PIK3R5: variants seen among roughly 807,000 people sequenced by gnomAD.
PIK3R5 encodes phosphoinositide-3-kinase regulatory subunit 5.
In PIK3R5, 32 loss-of-function variants were observed where a neutral mutation model predicts 94.9. The observed-to-expected ratio is 0.34, with a 90% CI of 0.25 to 0.45. The LOEUF (loss-of-function observed/expected upper bound fraction) is 0.45, where lower values mean the gene tolerates loss of function less well. PIK3R5 is among the 20% of genes least tolerant of loss of function. PIK3R5 has a pLI of 1.00. For synonymous variants in PIK3R5, 443 were observed against 479.4 expected (o/e 0.92, Z 0.99); for missense variants, 853 against 1,144.6 (o/e 0.75, Z 3.68).
At chr17:8,913,901 C>T (rs992999824) in intron 1 of PIK3R5, among the ~76,000 whole-genome samples, 1 of 152,154 alleles carries the variant, frequency 6.6e-6, no homozygotes. Flanking sequence ...TGAGCCAGAC[C>T]GGGCAGACCC....
At position 8,945,590 on chromosome 17, in the gene PIK3R5, C is replaced by G. The variant is rs963520863; in HGVS notation, c.-14+20006G>C. Among the ~76,000 whole-genome samples the G allele has an allele frequency of 3.3e-5, 5 of 152,076 alleles. No individual in the cohort carries two copies. The highest frequency in any genetic ancestry group is 2.1e-4 in the South Asian group (1 of 4,830). On this transcript the variant is annotated intron_variant, in intron 1 of 18. Coordinates refer to ENST00000447110, the MANE Select transcript of PIK3R5 (RefSeq NM_001142633.3). The surrounding 1 kb of genome is among the most constrained non-coding windows in gnomAD (Gnocchi z 4.0). ...GGCAAAGCAGACATCTCAAATCCAC[C>G]GTAGTCCAGAAACAACACAAAATGA... is the stretch of plus-strand genomic sequence containing the variant.
intron 1 of PIK3R5, among the ~76,000 whole-genome samples, chr17:8,939,564 T>C (rs575021173): frequency 2.0e-4 from 30 of 152,316 alleles, no homozygotes; most frequent in African/African-American, 6.7e-4. Flanking sequence ...ATGAATGACA[T>C]TTGAGGTATC....
chr17:8,885,794 C>T (rs1337274017), intron 14 of PIK3R5, among the ~76,000 whole-genome samples: 5 of 111,466 alleles, frequency 4.5e-5, no homozygotes, highest in African/African-American at 1.6e-4. Context: ...TCCTGGGTAA[C>T]CCCGCCCTCC....
In PIK3R5 at chr17:8,893,505, G is replaced by T. The variant is rs989556718; in HGVS notation, c.482+81C>A. On this transcript the variant is annotated intron_variant, in intron 6 of 18. Coordinates refer to ENST00000447110, the MANE Select transcript of PIK3R5 (RefSeq NM_001142633.3). This position sits in a 1 kb window ranked among gnomAD's most constrained non-coding sequence, Gnocchi z 5.1. ...GGGTGGGGGCACTGGATGTTTGAGT[G>T]GGGGAGGAGGGTGAAGGTGGAACAG... The T allele has an allele frequency of 1.1e-5, 12 of 1,111,748 alleles. No homozygotes were observed. Among genetic ancestry groups the T allele is most frequent in the Non-Finnish European group, 1.6e-5 (12 of 731,074 alleles). The allele number at this position is 1,111,748 out of a possible 1,614,324, so 68.9% of individuals were successfully genotyped here.
chr17:8,926,211 T>A (rs1293551206), intron 1 of PIK3R5, among the ~76,000 whole-genome samples: 1 of 151,774 alleles, frequency 6.6e-6, no homozygotes, highest in Non-Finnish European at 1.5e-5. Flanking sequence ...ACATGGAGGG[T>A]TTGAGTGACC....
Position 8,904,682 on chromosome 17 carries a change from A to G in PIK3R5, c.412+95T>C. ...TTGGCAGAGATGAATCAAAGGATGC[A>G]AGGTAAGGAGGGTCACAAAAAACAG... On this transcript the variant is annotated intron_variant, in intron 5 of 18. Coordinates refer to ENST00000447110, the MANE Select transcript of PIK3R5 (RefSeq NM_001142633.3). The surrounding 1 kb of genome is among the most constrained non-coding windows in gnomAD (Gnocchi z 5.1). 1 of 1,249,946 alleles carries G rather than the reference A, an allele frequency of 8.0e-7. No individual in the cohort carries two copies. Among genetic ancestry groups the G allele is most frequent in the East Asian group, 2.3e-5 (1 of 42,766 alleles). 77.4% of individuals were successfully genotyped at this position (1,249,946 alleles called of 1,614,324 possible).
chr17:8,903,551 T>C (rs1234723682), intron 5 of PIK3R5, among the ~76,000 whole-genome samples: 1 of 151,140 alleles, frequency 6.6e-6, no homozygotes, highest in Non-Finnish European at 1.5e-5. Flanking sequence ...ATTTTAAAAA[T>C]ATCTTGGTAT....
chr17:8,894,861 G>A (rs2151381597), intron 5 of PIK3R5, among the ~76,000 whole-genome samples: 1 of 150,558 alleles, frequency 6.6e-6, no homozygotes, highest in Admixed American at 6.6e-5. Flanking sequence ...CCCCTCAGAA[G>A]TGCAAGTCTC....
intron 1 of PIK3R5, among the ~76,000 whole-genome samples, chr17:8,941,983 G>T (rs989718596): frequency 6.6e-6 from 1 of 152,186 alleles, no homozygotes; most frequent in Non-Finnish European, 1.5e-5. Context: ...AGAATTTCCC[G>T]TTAGATGGGC....
intron 1 of PIK3R5, among the ~76,000 whole-genome samples, chr17:8,946,699 T>C (rs1259445665): frequency 6.6e-6 from 1 of 152,128 alleles, no homozygotes; most frequent in Non-Finnish European, 1.5e-5. Context: ...CCCGCCATGT[T>C]CTGAGGACTC....
chr17:8,888,049 A>C lies in PIK3R5; in HGVS notation c.1616+122T>G. On this transcript the variant is annotated intron_variant, in intron 10 of 18. Coordinates refer to ENST00000447110, the MANE Select transcript of PIK3R5 (RefSeq NM_001142633.3). This position sits in a 1 kb window ranked among gnomAD's most constrained non-coding sequence, Gnocchi z 7.8. The stretch of plus-strand genomic sequence containing the variant: ...AATAATAATAATAATAATAATAATA[A>C]AATAAAAATAAATAAGGGAACTTTT... The C allele has an allele frequency of 3.0e-6, 1 of 331,074 alleles. No homozygotes were observed. The highest frequency in any genetic ancestry group is 1.3e-4 in the South Asian group (1 of 7,938). The allele number at this position is 331,074 out of a possible 1,614,324, so 20.5% of individuals were successfully genotyped here.
At position 8,888,363 on chromosome 17, in the gene PIK3R5, C is replaced by T. The variant is rs747280160; in HGVS notation, c.1424G>A (p.Arg475His). The change falls in exon 10 of 19, where the codon CGC becomes CAC. Residue 475 changes from arginine to histidine, a missense_variant. Arg to His is a conservative substitution (Grantham distance 29). Transcript: ENST00000447110. The surrounding 1 kb of genome is among the most constrained non-coding windows in gnomAD (Gnocchi z 7.8). ...TTTGGGCTGGGGCAGGGAGCGGGAGCGCTGGGCCCGGGAAGGGGGTGATAC... is the reference window on the plus strand; with the variant it reads ...TTTGGGCTGGGGCAGGGAGCGGGAGTGCTGGGCCCGGGAAGGGGGTGATAC... ...EPVSPPSRAQ[R>H]SRSLPQPKLG... is the part of the protein sequence containing the mutation. The T allele has an allele frequency of 3.1e-6, 5 of 1,609,610 alleles. No homozygotes were observed. Among genetic ancestry groups the T allele is most frequent in the Admixed American group, 3.3e-5 (2 of 59,798 alleles).
At chr17:8,942,567 C>G (rs1204519304) in intron 1 of PIK3R5, among the ~76,000 whole-genome samples, 2 of 152,192 alleles carry the variant, frequency 1.3e-5, no homozygotes, top group Non-Finnish European at 2.9e-5. Context: ...CAGAGGGAAG[C>G]TATGCAGCCT....
Position 8,889,315 on chromosome 17 carries a change from A to G in PIK3R5, c.812-93T>C. 1.1e-6 allele frequency: 1 copy of G among 879,926 alleles called. No homozygotes were observed. The allele number at this position is 879,926 out of a possible 1,614,324, so 54.5% of individuals were successfully genotyped here. On this transcript the variant is annotated intron_variant, in intron 8 of 18. Transcript: ENST00000447110. This position sits in a 1 kb window ranked among gnomAD's most constrained non-coding sequence, Gnocchi z 4.1. ...CCTTGCCTTGGAGAAGAGACCAGAG[A>G]TGGGACAGGATCGGCACAAGGATAT...
intron 1 of PIK3R5, among the ~76,000 whole-genome samples, chr17:8,936,933 T>A (rs1051204878): frequency 1.3e-5 from 2 of 152,328 alleles, no homozygotes; most frequent in South Asian, 2.1e-4. Flanking sequence ...TAGATTTTTT[T>A]ATCCATTTTA....
At chr17:8,891,867 G>C (rs1395131295) in intron 6 of PIK3R5, among the ~76,000 whole-genome samples, 1 of 152,058 alleles carries the variant, frequency 6.6e-6, no homozygotes, top group East Asian at 1.9e-4. Flanking sequence ...GCCTCCCAAA[G>C]TGCTGGGATC....
At chr17:8,923,124 T>G (rs1049928631) in intron 1 of PIK3R5, among the ~76,000 whole-genome samples, 4 of 152,118 alleles carry the variant, frequency 2.6e-5, no homozygotes, top group African/African-American at 9.7e-5. Flanking sequence ...TTGAAGCACA[T>G]GATCTCATTT....
Position 8,881,773 on chromosome 17 carries a change from G to A in PIK3R5, c.2299+15C>T, listed in dbSNP as rs756975129. 6.2e-7 allele frequency: 1 copy of A among 1,613,290 alleles called. No individual in the cohort carries two copies. Among genetic ancestry groups the A allele is most frequent in the Non-Finnish European group, 8.5e-7 (1 of 1,179,340 alleles). ...ACCTCCCTACTGCACACCCCACACT[G>A]ACCACCCCACTCACCCAGCTCCTCC... On this transcript the variant is annotated intron_variant, in intron 16 of 18. Coordinates refer to ENST00000447110, the MANE Select transcript of PIK3R5 (RefSeq NM_001142633.3). This position sits in a 1 kb window ranked among gnomAD's most constrained non-coding sequence, Gnocchi z 4.8.
intron 11 of PIK3R5, 100 bp from the exon 12 acceptor site, chr17:8,887,321 C>T: frequency 6.7e-7 from 1 of 1,497,472 alleles, no homozygotes; most frequent in South Asian, 1.2e-5. Context: ...TGCTGAGCTT[C>T]TCCCTGCCCT....
Sources: gnomAD v4.1 joint callset for allele counts (sites outside exome capture counted in the v4.1 genomes callset) on GRCh38, gnomAD v4.1.1 for gene constraint, Gnocchi (gnomAD v3.1) non-coding constraint, MANE v1.5 for transcripts, NCBI Gene and HGNC (gene_info 2026-07-23, HGNC 2026-07-21) for gene names.